DCLRE1A: variants seen among roughly 807,000 people sequenced by gnomAD.
DCLRE1A encodes the protein DNA cross-link repair 1A, also known as DNA cross-link repair 1A protein.
Under a neutral mutation model 91.9 loss-of-function variants are expected in DCLRE1A, and 64 were observed. That is an observed-to-expected ratio of 0.70 (90% CI 0.57 to 0.86). The LOEUF is 0.86. Among genes scored for constraint, DCLRE1A ranks in the 40% least tolerant of loss-of-function variants. The pLI, the probability that DCLRE1A is intolerant of heterozygous loss-of-function variation, is 0.00. For synonymous variants in DCLRE1A, 416 were observed against 431.1 expected, an observed-to-expected ratio of 0.96 and a Z score of 0.43; for missense variants, 1,145 against 1,213.3, an observed-to-expected ratio of 0.94 and a Z score of 0.84.
At chr10:113,847,935 T>C (rs574059701) in intron 2 of DCLRE1A, among the ~76,000 whole-genome samples, 17 of 152,332 alleles carry the variant, frequency 1.1e-4, no homozygotes, top group Non-Finnish European at 1.6e-4. Context: ...TAATTAAGTG[T>C]ACTGACTGGC....
intron 6 of DCLRE1A, among the ~76,000 whole-genome samples, chr10:113,841,771 G>T (rs867267782): frequency 1.3e-5 from 2 of 152,086 alleles, no homozygotes; most frequent in Admixed American, 6.5e-5. Flanking sequence ...ATTTTTAAAG[G>T]CTTATTATTT....
At chr10:113,845,950 A>G in intron 3 of DCLRE1A, 147 bp from the exon 4 acceptor site, 1 of 754,868 alleles carries the variant, frequency 1.3e-6, no homozygotes, top group South Asian at 1.5e-5. Context: ...AGAATTTCCT[A>G]TAATGGCTGT....
Position 113,853,473 on chromosome 10 carries a change from A to G in DCLRE1A, c.-291T>C. The stretch of plus-strand genomic sequence containing the variant: ...TCCATTATGGGTGCTATTTCATTCA[A>G]ATATCTTGTCCTTTTCCAGGGCTTG... On this transcript the variant is annotated 5_prime_UTR_variant, in exon 1 of 9. Transcript: ENST00000361384. 3.8e-6 allele frequency: 1 copy of G among 263,406 alleles called. No individual in the cohort carries two copies. Among genetic ancestry groups the G allele is most frequent in the Non-Finnish European group, 7.1e-6 (1 of 141,498 alleles). 16.3% of individuals were successfully genotyped at this position (263,406 alleles called of 1,614,324 possible).
chr10:113,845,816 A>G lies in DCLRE1A; in HGVS notation c.2260-13T>C. 1.3e-6 allele frequency: 2 copies of G among 1,594,648 alleles called. No individual in the cohort carries two copies. The highest frequency in any genetic ancestry group is 1.7e-4 in the Middle Eastern group (1 of 6,012). On this transcript the variant is annotated splice_polypyrimidine_tract_variant and intron_variant, in intron 3 of 8. Coordinates refer to ENST00000361384, the MANE Select transcript of DCLRE1A (RefSeq NM_014881.5). Reference sequence around the variant, plus strand: ...AATTGCCAGTTATCTGCAAAACAGGACGTGCTTATTGCTGATGCAGTAAAA... The same window carrying G: ...AATTGCCAGTTATCTGCAAAACAGGGCGTGCTTATTGCTGATGCAGTAAAA...
rs372269794 is a variant in DCLRE1A at position 113,852,994 on chromosome 10, A to G, written c.189T>C (p.His63=). Residue 63 remains histidine, a synonymous_variant, in exon 1 of 9, where the codon CAT becomes CAC. Coordinates refer to ENST00000361384, the MANE Select transcript of DCLRE1A (RefSeq NM_014881.5). ...AACCTGCATTTCCAAGGGGCACTTCATGGTCCTTCACCTCTTTAGCTTCTG... is the reference window on the plus strand; with the variant it reads ...AACCTGCATTTCCAAGGGGCACTTCGTGGTCCTTCACCTCTTTAGCTTCTG... The part of the protein sequence containing the change: ...RAAEAKEVKD[H]EVPLGNAGCQ... The G allele has an allele frequency of 1.7e-5, 27 of 1,614,192 alleles. No homozygotes were observed. Among genetic ancestry groups the G allele is most frequent in the Admixed American group, 3.3e-5 (2 of 60,014 alleles).
chr10:113,846,847 G>A (rs998693144), intron 3 of DCLRE1A, among the ~76,000 whole-genome samples: 6 of 151,220 alleles, frequency 4.0e-5, no homozygotes, highest in African/African-American at 9.7e-5. Flanking sequence ...GAATCTTTTC[G>A]GTTGCGGTTG....
At position 113,853,091 on chromosome 10, in the gene DCLRE1A, A is replaced by G. The variant is rs1394905373; in HGVS notation, c.92T>C (p.Ile31Thr). ...RVDPNNGSKN[I>T]LKSVEKATDG... is the part of the protein sequence containing the mutation. ...TGTTGCTTTTTCAACAGATTTTAGA[A>G]TATTTTTAGAGCCATTATTTGGATC... is the stretch of plus-strand genomic sequence containing the variant. The change falls in exon 1 of 9, where the codon ATT becomes ACT. Residue 31 changes from isoleucine (I) to threonine (T), a missense_variant. By Grantham distance (89) the Ile-to-Thr change is moderately conservative (BLOSUM62 -1). Coordinates refer to ENST00000361384, the MANE Select transcript of DCLRE1A (RefSeq NM_014881.5). 4 of 1,610,842 alleles carry G rather than the reference A, an allele frequency of 2.5e-6. No individual in the cohort carries two copies. In the African/African-American group the frequency reaches 4.0e-5, roughly 16 times the overall value.
chr10:113,836,815 T>G (rs1477018020), intron 8 of DCLRE1A, among the ~76,000 whole-genome samples: 1 of 152,252 alleles, frequency 6.6e-6, no homozygotes, highest in Non-Finnish European at 1.5e-5. Context: ...ATTCTGCGAT[T>G]TCCTCTCAAT....
chr10:113,841,704 C>A, intron 6 of DCLRE1A, 144 bp from the exon 7 acceptor site: 2 of 798,104 alleles, frequency 2.5e-6, no homozygotes. Flanking sequence ...CTCAAAAAGG[C>A]TGAATCATTT....
intron 2 of DCLRE1A, among the ~76,000 whole-genome samples, chr10:113,847,599 A>C (rs978508346): frequency 6.6e-6 from 1 of 152,184 alleles, no homozygotes; most frequent in Non-Finnish European, 1.5e-5. Context: ...GTTACAAACC[A>C]ATTACTTCTT....
intron 1 of DCLRE1A, among the ~76,000 whole-genome samples, chr10:113,852,220 C>T (rs1285196843): frequency 1.3e-5 from 2 of 151,998 alleles, no homozygotes; most frequent in Non-Finnish European, 2.9e-5. Flanking sequence ...CCTGTAGTCC[C>T]GGCTACTCGG....
At chr10:113,844,678 G>A (rs1845502480) in intron 4 of DCLRE1A, among the ~76,000 whole-genome samples, 1 of 152,230 alleles carries the variant, frequency 6.6e-6, no homozygotes. Flanking sequence ...GCTCACGCCT[G>A]TAATCCCAGC....
At position 113,853,049 on chromosome 10, in the gene DCLRE1A, G is replaced by C. The variant is rs1845686293; in HGVS notation, c.134C>G (p.Ser45Ter). The change falls in exon 1 of 9, where the codon TCA (serine) becomes TGA (stop). Residue 45 changes from serine (S) to a stop codon, truncating the protein, a stop_gained. Coordinates refer to ENST00000361384, the MANE Select transcript of DCLRE1A (RefSeq NM_014881.5). LOFTEE classifies it high-confidence loss of function. Reference sequence around the variant, plus strand: ...TCTTTTTCTGTTTCTACTCCGTTTTGACTGGTATTTTCCATCTGTTGCTTT... The same window carrying C: ...TCTTTTTCTGTTTCTACTCCGTTTTCACTGGTATTTTCCATCTGTTGCTTT... ...VEKATDGKYQ[S>*]KRSRNRKRAA... is the part of the protein sequence containing the mutation. 1 of 1,613,732 alleles carries C rather than the reference G, an allele frequency of 6.2e-7. No homozygotes were observed. The highest frequency in any genetic ancestry group is 1.1e-5 in the South Asian group (1 of 90,932).
chr10:113,837,698 G>A (rs950102821), intron 7 of DCLRE1A, among the ~76,000 whole-genome samples: 1 of 152,116 alleles, frequency 6.6e-6, no homozygotes, highest in Non-Finnish European at 1.5e-5. Flanking sequence ...CTTTTCAGGT[G>A]TTTATGCCTT....
At chr10:113,839,205 T>G (rs976779779) in intron 7 of DCLRE1A, among the ~76,000 whole-genome samples, 3 of 151,298 alleles carry the variant, frequency 2.0e-5, no homozygotes, top group Non-Finnish European at 4.4e-5. Context: ...GGTGCCTGTA[T>G]TCCCAGCTAC....
chr10:113,838,966 G>GT (rs1845403066), intron 7 of DCLRE1A, among the ~76,000 whole-genome samples: 2 of 151,654 alleles, frequency 1.3e-5, no homozygotes, highest in South Asian at 4.1e-4. Flanking sequence ...CTTTTGGCTG[G>GT]TAAAAAAAAA....
intron 6 of DCLRE1A, 78 bp from the exon 7 acceptor site, chr10:113,841,638 G>GT (rs1390797209): frequency 2.1e-5 from 30 of 1,422,988 alleles, no homozygotes; most frequent in Non-Finnish European, 2.6e-5. Context: ...AAATTTTAAG[G>GT]TAAGAATTTA....
rs1322618508 is a variant in DCLRE1A, at chr10:113,852,970, A to G, written c.213T>C (p.Gly71=). The G allele has an allele frequency of 6.2e-7, 1 of 1,614,192 alleles. No homozygotes were observed. Among genetic ancestry groups the G allele is most frequent in the Admixed American group, 1.7e-5 (1 of 60,036 alleles). ...GACTAGAAGCAACAGAAGTCTGACA[A>G]CCTGCATTTCCAAGGGGCACTTCAT... The part of the protein sequence containing the change: ...KDHEVPLGNA[G]CQTSVASSQN... The change falls in exon 1 of 9, where the codon GGT becomes GGC. Residue 71 remains glycine, a synonymous_variant. Transcript: ENST00000361384.
At chr10:113,845,832 T>C in intron 3 of DCLRE1A, 29 bp from the exon 4 acceptor site, 1 of 1,530,596 alleles carries the variant, frequency 6.5e-7, no homozygotes, top group Non-Finnish European at 9.1e-7. Flanking sequence ...TTATTGCTGA[T>C]GCAGTAAAAC....
Sources: gnomAD v4.1 joint callset for allele counts (sites outside exome capture counted in the v4.1 genomes callset) on GRCh38, gnomAD v4.1.1 for gene constraint, MANE v1.5 for transcripts, NCBI Gene and HGNC (gene_info 2026-07-23, HGNC 2026-07-21) for gene names.